The following PCDHGA7 variants were observed in gnomAD, a reference collection of about 807,000 sequenced individuals.
The protein encoded by PCDHGA7 is protocadherin gamma-A7.
Under a neutral mutation model 58.3 loss-of-function variants are expected in PCDHGA7, and 44 were observed. That is an observed-to-expected ratio of 0.75 (90% confidence interval 0.59 to 0.97). PCDHGA7 has a LOEUF of 0.97. PCDHGA7 is among the 50% of genes least tolerant of loss of function. The pLI is 0.00. For missense variants in PCDHGA7, 1,266 were observed against 1,188.7 expected, an observed-to-expected ratio of 1.06 and a Z score of -0.96; for synonymous variants, 516 against 504.2, an observed-to-expected ratio of 1.02 and a Z score of -0.31.
Position 141,491,208 on chromosome 5 carries a change from C to A in PCDHGA7, c.2425-3599C>A. ...TGAGGGACAATGGTGACCCTTCACT[C>A]TCCTCCACAGCCACAGTGCTGCTGG... On this transcript the variant is annotated intron_variant, in intron 1 of 3. Coordinates refer to ENST00000518325, the MANE Select transcript of PCDHGA7 (RefSeq NM_018920.4). The surrounding 1 kb of genome is among the most constrained non-coding windows in gnomAD (Gnocchi z 6.9). The A allele has an allele frequency of 6.2e-7, 1 of 1,614,204 alleles. No homozygotes were observed. Among genetic ancestry groups the A allele is most frequent in the African/African-American group, 1.3e-5 (1 of 75,058 alleles).
chr5:141,425,869 C>G (rs1376765137), intron 1 of PCDHGA7, among the ~76,000 whole-genome samples: 1 of 152,198 alleles, frequency 6.6e-6, no homozygotes, highest in Non-Finnish European at 1.5e-5. Flanking sequence ...TATAGATTCC[C>G]ATCTCTAAGG....
chr5:141,458,409 G>C (rs188300064), intron 1 of PCDHGA7, among the ~76,000 whole-genome samples: 1 of 152,244 alleles, frequency 6.6e-6, no homozygotes, highest in African/African-American at 2.4e-5. Context: ...GAGACGGAGC[G>C]GGGGTTCCAA....
At chr5:141,460,926 G>A (rs1180507724) in intron 1 of PCDHGA7, among the ~76,000 whole-genome samples, 4 of 145,540 alleles carry the variant, frequency 2.7e-5, no homozygotes, top group African/African-American at 2.6e-5. Flanking sequence ...ATATATATAT[G>A]TGTGTGTGTA....
intron 1 of PCDHGA7, chr5:141,428,481 C>T (rs2097141995): frequency 3.0e-6 from 1 of 331,008 alleles, no homozygotes; most frequent in Non-Finnish European, 5.8e-6. Flanking sequence ...TGCTTTATTC[C>T]TGCAATCTGT....
chr5:141,414,592 G>T, intron 1 of PCDHGA7: 1 of 1,613,920 alleles, frequency 6.2e-7, no homozygotes, highest in Non-Finnish European at 8.5e-7. Flanking sequence ...CGCCAGGGGT[G>T]CCTCCATCTT....
intron 1 of PCDHGA7, chr5:141,414,391 T>TG (rs1367379916): frequency 6.2e-7 from 1 of 1,613,862 alleles, no homozygotes; most frequent in South Asian, 1.1e-5. Flanking sequence ...TGACAGTTAT[T>TG]ACAGATTGGT....
intron 3 of PCDHGA7, among the ~76,000 whole-genome samples, chr5:141,509,336 GC>G (rs2099876304): frequency 6.6e-6 from 1 of 152,178 alleles, no homozygotes; most frequent in Non-Finnish European, 1.5e-5. Context: ...TGCCAGCTGG[GC>G]CTGGGCTGGC....
chr5:141,487,890 G>C lies in PCDHGA7; in HGVS notation c.2425-6917G>C. 3 of 745,430 alleles carry C rather than the reference G, an allele frequency of 4.0e-6. No homozygotes were observed. Among genetic ancestry groups the C allele is most frequent in the Non-Finnish European group, 6.5e-6 (3 of 462,522 alleles). The allele number at this position is 745,430 out of a possible 1,614,324, so 46.2% of individuals were successfully genotyped here. A position where few individuals can be genotyped will look rare whatever the true frequency, so the allele number is the denominator to read the frequency against. On this transcript the variant is annotated intron_variant, in intron 1 of 3. Coordinates refer to ENST00000518325, the MANE Select transcript of PCDHGA7 (RefSeq NM_018920.4). This position sits in a 1 kb window ranked among gnomAD's most constrained non-coding sequence, Gnocchi z 5.0. ...AAGAGCCAGGCTGTTGTGGAAGCAT[G>C]ATGATGGAATGTGGGAGCACAGGAG...
At chr5:141,484,102 A>T (rs1404220648) in intron 1 of PCDHGA7, among the ~76,000 whole-genome samples, 1 of 152,206 alleles carries the variant, frequency 6.6e-6, no homozygotes, top group African/African-American at 2.4e-5. Flanking sequence ...GTTGGTAATT[A>T]ACAAAAGATC....
chr5:141,383,170 G>A lies in PCDHGA7; in HGVS notation c.271G>A (p.Asp91Asn), dbSNP rs1453801684. The A allele has an allele frequency of 1.2e-6, 2 of 1,614,008 alleles. No individual in the cohort carries two copies. The highest frequency in any genetic ancestry group is 2.7e-5 in the African/African-American group (2 of 74,958). The change falls in exon 1 of 4, where the codon GAC (aspartate) becomes AAC (asparagine). Residue 91 changes from aspartate (D) to asparagine (N), a missense_variant. Physicochemically the swap from Asp to Asn is conservative, Grantham distance 23. Transcript: ENST00000518325. Reference sequence around the variant, plus strand: ...CAGCTTGGTCACTGCGGGCAGGATAGACCGGGAAGAGATCTGCGCTCAGAG... The same window carrying A: ...CAGCTTGGTCACTGCGGGCAGGATAAACCGGGAAGAGATCTGCGCTCAGAG... ...SGSLVTAGRI[D>N]REEICAQSAR... is the part of the protein sequence containing the mutation.
chr5:141,403,068 C>T, intron 1 of PCDHGA7: 1 of 1,614,064 alleles, frequency 6.2e-7, no homozygotes, highest in South Asian at 1.1e-5. Flanking sequence ...CCTGAAGAGA[C>T]AGAAAAGGGC....
intron 2 of PCDHGA7, among the ~76,000 whole-genome samples, chr5:141,497,879 G>A (rs62379207): frequency 4.6e-4 from 70 of 152,244 alleles, no homozygotes; most frequent in Non-Finnish European, 8.2e-4. Flanking sequence ...TGAAATAAGC[G>A]TTAGGATCTA....
Position 141,506,991 on chromosome 5 carries a change from C to T in PCDHGA7, c.2572+1510C>T, listed in dbSNP as rs190455068. 3 of 152,366 alleles carry T rather than the reference C, an allele frequency of 2.0e-5. No homozygotes were observed. In the East Asian group the frequency reaches 5.8e-4, roughly 29 times the overall value. The allele number at this position is 152,366 out of a possible 1,614,324, so 9.4% of individuals were successfully genotyped here. A position where few individuals can be genotyped will look rare whatever the true frequency, so the allele number is the denominator to read the frequency against. The stretch of plus-strand genomic sequence containing the variant: ...TGCAAGGCAGGTCTGATTTCTCACA[C>T]TCGACAGATGAGAGAACCGAGAAGG... On this transcript the variant is annotated intron_variant, in intron 3 of 3. Coordinates refer to ENST00000518325, the MANE Select transcript of PCDHGA7 (RefSeq NM_018920.4).
Position 141,415,348 on chromosome 5 carries a change from A to G in PCDHGA7, c.2424+30025A>G, listed in dbSNP as rs561851810. ...GGCGCACAGGCTGCGGCGCTGGCAC[A>G]AGTCACGCCTGCTGCAGGCTTCAGG... On this transcript the variant is annotated intron_variant, in intron 1 of 3. Transcript: ENST00000518325. The G allele has an allele frequency of 3.1e-6, 5 of 1,614,222 alleles. 1 individual carries two copies. The highest frequency in any genetic ancestry group is 1.6e-4 in the Middle Eastern group (1 of 6,062).
chr5:141,478,323 G>A, intron 1 of PCDHGA7: 2 of 1,613,958 alleles, frequency 1.2e-6, no homozygotes, highest in Non-Finnish European at 8.5e-7. Flanking sequence ...TCACTGTACC[G>A]AACACCAGGG....
At position 141,431,178 on chromosome 5, in the gene PCDHGA7, T is replaced by A; in HGVS notation, c.2424+45855T>A. 2 of 1,614,078 alleles carry A rather than the reference T, an allele frequency of 1.2e-6. No individual in the cohort carries two copies. Among genetic ancestry groups the A allele is most frequent in the Non-Finnish European group, 1.7e-6 (2 of 1,180,000 alleles). On this transcript the variant is annotated intron_variant, in intron 1 of 3. Coordinates refer to ENST00000518325, the MANE Select transcript of PCDHGA7 (RefSeq NM_018920.4). This position sits in a 1 kb window ranked among gnomAD's most constrained non-coding sequence, Gnocchi z 4.8. ...TACTTTCGTGAAAGTGAATTAGAAATAAAAATTAGTGAAAATGCAGCCACT... is the reference window on the plus strand; with the variant it reads ...TACTTTCGTGAAAGTGAATTAGAAAAAAAAATTAGTGAAAATGCAGCCACT...
chr5:141,435,409 G>A (rs1387678336), intron 1 of PCDHGA7, among the ~76,000 whole-genome samples: 1 of 152,066 alleles, frequency 6.6e-6, no homozygotes, highest in African/African-American at 2.4e-5. Context: ...AAATGGTAAA[G>A]ACTATTTTTC....
chr5:141,429,426 G>C (rs992784469), intron 1 of PCDHGA7, among the ~76,000 whole-genome samples: 3 of 151,724 alleles, frequency 2.0e-5, no homozygotes, highest in African/African-American at 4.8e-5. Context: ...TGTTGCCCAG[G>C]CTGGACTCAA....
intron 1 of PCDHGA7, chr5:141,423,057 T>C (rs1443300486): frequency 6.2e-7 from 1 of 1,614,060 alleles, no homozygotes; most frequent in Non-Finnish European, 8.5e-7. Flanking sequence ...ATCGCCTGCT[T>C]AAGGCCAGCG....
Sources: allele counts gnomAD v4.1 joint callset (sites outside exome capture counted in the v4.1 genomes callset), GRCh38; gene constraint gnomAD v4.1.1; non-coding constraint Gnocchi (gnomAD v3.1); transcripts MANE v1.5; gene names NCBI Gene and HGNC (gene_info 2026-07-23, HGNC 2026-07-21).